Variants in MTF1 observed in about 807,000 individuals in gnomAD.
MTF1 encodes MRE-binding transcription factor.
Under a neutral mutation model 70.4 loss-of-function variants are expected in MTF1, and 22 were observed. The observed-to-expected ratio is 0.31, with a 90% CI of 0.22 to 0.45. MTF1 has a LOEUF of 0.45. Among genes scored for constraint, MTF1 ranks in the 20% least tolerant of loss-of-function variants. MTF1 has a pLI of 1.00. For synonymous variants in MTF1, 333 were observed against 352.8 expected (o/e 0.94, Z 0.63); for missense variants, 649 against 922.0 (o/e 0.70, Z 3.83).
In MTF1 at chr1:37,840,555, T is replaced by A. The variant is rs1211806593; in HGVS notation, c.409-397A>T. On this transcript the variant is annotated intron_variant, in intron 2 of 10. Coordinates refer to ENST00000373036, the MANE Select transcript of MTF1 (RefSeq NM_005955.3). The surrounding 1 kb of genome is among the most constrained non-coding windows in gnomAD (Gnocchi z 4.5). ...ACTACAACTTGATTGGAATTACCAA[T>A]ATTAAATTGAGTTTAAAACATCTGG... The A allele has an allele frequency of 2.2e-6, 1 of 450,044 alleles. No homozygotes were observed. The highest frequency in any genetic ancestry group is 4.4e-6 in the Non-Finnish European group (1 of 226,934). 27.9% of individuals were successfully genotyped at this position (450,044 alleles called of 1,614,324 possible).
At chr1:37,818,347 G>T (rs1640850898) in intron 9 of MTF1, among the ~76,000 whole-genome samples, 1 of 152,188 alleles carries the variant, frequency 6.6e-6, no homozygotes, top group African/African-American at 2.4e-5. Flanking sequence ...TTGGAAGACT[G>T]AAGGAGGATC....
chr1:37,835,459 T>TA (rs1282411111), intron 5 of MTF1, among the ~76,000 whole-genome samples: 4 of 152,190 alleles, frequency 2.6e-5, no homozygotes, highest in Non-Finnish European at 5.9e-5. Context: ...TGTTTTTTTT[T>TA]AGAGTGTCTC....
intron 3 of MTF1, 41 bp from the exon 4 acceptor site, chr1:37,838,797 C>CTTGTTTTTTTT (rs1641209707): frequency 2.4e-6 from 1 of 421,154 alleles, no homozygotes; most frequent in African/African-American, 2.9e-5. Context: ...TCATAAAATT[C>CTTGTTTTTTTT]TTTTTTTTTT....
chr1:37,830,206 A>C (rs1473362336), intron 7 of MTF1, among the ~76,000 whole-genome samples: 3 of 152,222 alleles, frequency 2.0e-5, no homozygotes, highest in Admixed American at 6.5e-5. Context: ...TTAGTTGTAA[A>C]ATAGGAATAT....
rs146000583 is a variant in MTF1 at position 37,858,867 on chromosome 1, G to T, written c.-52+664C>A. On this transcript the variant is annotated intron_variant, in intron 1 of 10. Transcript: ENST00000373036. ...TGCAAACACAGGCTCTACAAATGTGGGTTTGGCAGGCAGAATAGAGAATTT... is the reference window on the plus strand; with the variant it reads ...TGCAAACACAGGCTCTACAAATGTGTGTTTGGCAGGCAGAATAGAGAATTT... 4.2e-4 allele frequency among the ~76,000 whole-genome samples: 64 copies of T among 152,298 alleles called. 1 individual carries two copies. The highest frequency in any genetic ancestry group is 5.9e-4 in the Admixed American group (9 of 15,294).
intron 1 of MTF1, chr1:37,858,387 T>C (rs1641534379): frequency 6.6e-6 from 1 of 152,248 alleles, no homozygotes; most frequent in Non-Finnish European, 1.5e-5. Flanking sequence ...CAGTAATTCC[T>C]GTTCTCTCAA....
chr1:37,822,079 ATACAC>A, intron 9 of MTF1, 37 bp downstream of exon 9: 5 of 1,473,604 alleles, frequency 3.4e-6, no homozygotes, highest in Non-Finnish European at 4.6e-6. Context: ...ACCTATGTAA[ATACAC>A]TTCACCCCAC....
At chr1:37,845,034 G>A (rs1641312897) in intron 2 of MTF1, among the ~76,000 whole-genome samples, 1 of 152,202 alleles carries the variant, frequency 6.6e-6, no homozygotes, top group African/African-American at 2.4e-5. Context: ...AATTAAATGG[G>A]TGAATAGCTA....
Position 37,840,564 on chromosome 1 carries a change from G to A in MTF1, c.409-406C>T. 1 of 447,706 alleles carries A rather than the reference G, an allele frequency of 2.2e-6. No homozygotes were observed. The highest frequency in any genetic ancestry group is 2.5e-5 in the Admixed American group (1 of 39,284). The allele number at this position is 447,706 out of a possible 1,614,324, so 27.7% of individuals were successfully genotyped here. A position where few individuals can be genotyped will look rare whatever the true frequency, so the allele number is the denominator to read the frequency against. On this transcript the variant is annotated intron_variant, in intron 2 of 10. Transcript: ENST00000373036. The surrounding 1 kb of genome is among the most constrained non-coding windows in gnomAD (Gnocchi z 4.5). ...TGATTGGAATTACCAATATTAAATT[G>A]AGTTTAAAACATCTGGAAATTTACA...
rs111397808 is a variant in MTF1 at position 37,838,819 on chromosome 1, T to C, written c.648-63A>G. ...ATTCTTTTTTTTTTTTTTTTTTTTT[T>C]CTGAGACAGAGTTTCGCTCTTGTCG... On this transcript the variant is annotated intron_variant, in intron 3 of 10. Transcript: ENST00000373036. The C allele has an allele frequency of 5.3e-5, 63 of 1,185,146 alleles. 2 individuals are homozygous for C. The highest frequency in any genetic ancestry group is 2.0e-4 in the African/African-American group (13 of 64,132). 73.4% of individuals were successfully genotyped at this position (1,185,146 alleles called of 1,614,324 possible). A position where few individuals can be genotyped will look rare whatever the true frequency, so the allele number is the denominator to read the frequency against.
In MTF1 at chr1:37,813,134, G is replaced by C. The variant is rs2088735646; in HGVS notation, c.*2002C>G. On this transcript the variant is annotated 3_prime_UTR_variant, in exon 11 of 11. Coordinates refer to ENST00000373036, the MANE Select transcript of MTF1 (RefSeq NM_005955.3). ...CGTCTCTACTAAAAATACAAAATTA[G>C]CCAGGCGTGGTGGCGCATGCCTGTA... The C allele has an allele frequency of 6.6e-6, 1 of 152,140 alleles. No homozygotes were observed. Among genetic ancestry groups the C allele is most frequent in the South Asian group, 2.1e-4 (1 of 4,824 alleles). 9.4% of individuals were successfully genotyped at this position (152,140 alleles called of 1,614,324 possible). A position where few individuals can be genotyped will look rare whatever the true frequency, so the allele number is the denominator to read the frequency against.
chr1:37,842,929 C>T (rs975195739), intron 2 of MTF1, among the ~76,000 whole-genome samples: 1 of 152,108 alleles, frequency 6.6e-6, no homozygotes, highest in Non-Finnish European at 1.5e-5. Context: ...GGTCAGGGTC[C>T]GGATGCAGGT....
chr1:37,816,674 CA>C (rs35764920), intron 10 of MTF1, among the ~76,000 whole-genome samples: 228 of 96,004 alleles, frequency 2.4e-3, no homozygotes, highest in African/African-American at 5.6e-3. Flanking sequence ...GACTCCATCT[CA>C]AAAAAAAAAA....
intron 6 of MTF1, among the ~76,000 whole-genome samples, chr1:37,832,678 C>T (rs951821135): frequency 6.6e-6 from 1 of 152,062 alleles, no homozygotes; most frequent in African/African-American, 2.4e-5. Context: ...GATATTCTTA[C>T]AAGAATATCT....
chr1:37,847,809 A>G (rs545253841), intron 2 of MTF1, among the ~76,000 whole-genome samples: 16 of 152,122 alleles, frequency 1.1e-4, no homozygotes, highest in Admixed American at 9.2e-4. Context: ...CAGCATGGGC[A>G]ACATAGCAAG....
intron 7 of MTF1, among the ~76,000 whole-genome samples, chr1:37,829,768 G>A (rs561199796): frequency 7.0e-4 from 105 of 150,808 alleles, no homozygotes; most frequent in Non-Finnish European, 1.2e-3. Flanking sequence ...CTGGGCGACA[G>A]AGCGAGACTC....
intron 6 of MTF1, among the ~76,000 whole-genome samples, chr1:37,832,934 C>T (rs917774774): frequency 3.3e-5 from 5 of 150,776 alleles, no homozygotes; most frequent in African/African-American, 4.9e-5. Context: ...TGAACCTGGG[C>T]GGCAGAGGTT....
In MTF1 at chr1:37,825,914, T is replaced by C. The variant is rs552808899; in HGVS notation, c.1069-2102A>G. 5.8e-4 allele frequency among the ~76,000 whole-genome samples: 89 copies of C among 152,330 alleles called. 2 individuals carry two copies. In the South Asian group the frequency reaches 0.014, roughly 23 times the overall value. On this transcript the variant is annotated intron_variant, in intron 7 of 10. Transcript: ENST00000373036. ...TTTATGTTATCAGTAAGGCTTCCAA[T>C]CACAGTAGGCTAAGGCCATTGCTAG... is the stretch of plus-strand genomic sequence containing the variant.
chr1:37,834,109 C>G (rs1291308823), intron 6 of MTF1, among the ~76,000 whole-genome samples: 1 of 152,044 alleles, frequency 6.6e-6, no homozygotes, highest in Non-Finnish European at 1.5e-5. Context: ...TGCCTGTGGT[C>G]CCAGCTAGTT....
Sources: allele counts gnomAD v4.1 joint callset (sites outside exome capture counted in the v4.1 genomes callset), GRCh38; gene constraint gnomAD v4.1.1; non-coding constraint Gnocchi (gnomAD v3.1); transcripts MANE v1.5; gene names NCBI Gene and HGNC (gene_info 2026-07-23, HGNC 2026-07-21).